The following SUCLA2 variants were observed in gnomAD, a reference collection of about 807,000 sequenced individuals.
SUCLA2 encodes the protein succinate-CoA ligase ADP-forming subunit beta, also known as succinate--CoA ligase [ADP-forming] subunit beta, mitochondrial.
A neutral mutation model predicts 54.8 loss-of-function variants in SUCLA2; 30 were observed. The ratio of observed to expected loss-of-function variants is 0.55; its 90% CI spans 0.41 to 0.74. SUCLA2 has a LOEUF of 0.74. Ranked by LOEUF, SUCLA2 falls within the 30% of genes least tolerant of loss-of-function variation. The pLI is 0.00. For synonymous variants in SUCLA2, 172 were observed against 188.9 expected, an observed-to-expected ratio of 0.91 and a Z score of 0.74; for missense variants, 476 against 562.9, an observed-to-expected ratio of 0.85 and a Z score of 1.56.
At chr13:47,968,892 C>G (rs200361144) in intron 5 of SUCLA2, among the ~76,000 whole-genome samples, 159 bp from the exon 6 acceptor site, 1 of 151,242 alleles carries the variant, frequency 6.6e-6, no homozygotes, top group Non-Finnish European at 1.5e-5. Context: ...AATGGTTAAA[C>G]AAAACTTTTT....
intron 4 of SUCLA2, among the ~76,000 whole-genome samples, chr13:47,983,452 T>TAAA (rs527747810): frequency 2.8e-4 from 42 of 151,646 alleles, no homozygotes; most frequent in Non-Finnish European, 5.4e-4. Context: ...AACAAATCTT[T>TAAA]AAAATATTCT....
chr13:47,987,366 C>T (rs879701617), intron 4 of SUCLA2, among the ~76,000 whole-genome samples: 4 of 151,236 alleles, frequency 2.6e-5, no homozygotes, highest in African/African-American at 7.3e-5. Context: ...TGACAGATGC[C>T]GATATATAAT....
At chr13:48,000,852 C>T in intron 1 of SUCLA2, 1 of 1,167,726 alleles carries the variant, frequency 8.6e-7, no homozygotes, top group Non-Finnish European at 1.1e-6. Context: ...CCGTGCCAGA[C>T]GCCGGAATGG....
chr13:47,983,520 C>T (rs1005915430), intron 4 of SUCLA2, among the ~76,000 whole-genome samples: 86 of 145,202 alleles, frequency 5.9e-4, no homozygotes, highest in Non-Finnish European at 6.7e-4. Context: ...GACGGAGTCT[C>T]GCTCTGTCGC....
chr13:47,956,310 A>C (rs1949821133), intron 6 of SUCLA2, among the ~76,000 whole-genome samples: 2 of 152,174 alleles, frequency 1.3e-5, no homozygotes, highest in South Asian at 4.1e-4. Flanking sequence ...TTAACAGCAG[A>C]CTGGTGATGG....
rs572595347 is a variant in SUCLA2 at position 47,998,067 on chromosome 13, A to G, written c.91-1044T>C. On this transcript the variant is annotated intron_variant, in intron 1 of 10. Coordinates refer to ENST00000646932, the MANE Select transcript of SUCLA2 (RefSeq NM_003850.3). ...TTAGCAAGCTAAAATCCTTGGTAAC[A>G]TTTGACCTAGGTAGCTCAATTCCTT... is the stretch of plus-strand genomic sequence containing the variant. Among the ~76,000 whole-genome samples, 11 of 152,308 alleles carry G rather than the reference A, an allele frequency of 7.2e-5. No homozygotes were observed. In the South Asian group the frequency reaches 2.1e-3, roughly 29 times the overall value.
At chr13:47,972,506 T>G (rs978084795) in intron 5 of SUCLA2, among the ~76,000 whole-genome samples, 8 of 150,922 alleles carry the variant, frequency 5.3e-5, no homozygotes, top group Admixed American at 5.3e-4. Context: ...CCATCTCTAC[T>G]AAAAACAAAA....
intron 2 of SUCLA2, among the ~76,000 whole-genome samples, chr13:47,989,213 CTTTTTTTTT>C (rs11445752): frequency 7.0e-6 from 1 of 143,644 alleles, no homozygotes; most frequent in Non-Finnish European, 1.5e-5. Flanking sequence ...TAAACCATTT[CTTTTTTTTT>C]TTTTTTGAAA....
chr13:48,000,812 C>A (rs927010911), intron 1 of SUCLA2: 86 of 1,083,284 alleles, frequency 7.9e-5, no homozygotes, highest in Non-Finnish European at 9.4e-5. Context: ...TCCCCCCTGC[C>A]CAAAAAGGGG....
chr13:47,970,359 T>C (rs978858252), intron 5 of SUCLA2, among the ~76,000 whole-genome samples: 5 of 152,178 alleles, frequency 3.3e-5, no homozygotes, highest in African/African-American at 1.2e-4. Flanking sequence ...TGCAAAATGC[T>C]ATAATCTTAG....
chr13:47,984,322 T>C (rs1384536598), intron 4 of SUCLA2, among the ~76,000 whole-genome samples: 1 of 151,294 alleles, frequency 6.6e-6, no homozygotes, highest in Non-Finnish European at 1.5e-5. Context: ...GCCTCCCGAG[T>C]AGCTGGGACT....
chr13:47,972,551 C>T (rs1949975981), intron 5 of SUCLA2, among the ~76,000 whole-genome samples: 1 of 151,072 alleles, frequency 6.6e-6, no homozygotes, highest in African/African-American at 2.4e-5. Context: ...TGCCTGTAGT[C>T]CCAGCTACTT....
intron 6 of SUCLA2, among the ~76,000 whole-genome samples, chr13:47,959,709 G>T (rs1949852596): frequency 6.6e-6 from 1 of 152,204 alleles, no homozygotes; most frequent in African/African-American, 2.4e-5. Flanking sequence ...ACAGAACACA[G>T]AAGAGTTTAG....
At chr13:47,982,782 C>T (rs1950069693) in intron 4 of SUCLA2, among the ~76,000 whole-genome samples, 3 of 151,888 alleles carry the variant, frequency 2.0e-5, no homozygotes, top group African/African-American at 7.3e-5. Context: ...CATACTGCCA[C>T]ACATTAAGAT....
At chr13:47,969,005 C>T (rs1362774301) in intron 5 of SUCLA2, among the ~76,000 whole-genome samples, 1 of 152,160 alleles carries the variant, frequency 6.6e-6, no homozygotes, top group East Asian at 1.9e-4. Flanking sequence ...ATTCCAGTTC[C>T]ATAGTGTCCA....
chr13:47,968,492 A>G (rs1348882990), intron 6 of SUCLA2, 103 bp downstream of exon 6: 1 of 1,339,440 alleles, frequency 7.5e-7, no homozygotes, highest in African/African-American at 1.5e-5. Context: ...GCTTCTACAT[A>G]GGTAGAAGTT....
In SUCLA2 at chr13:48,001,265, G is replaced by A; in HGVS notation, c.5C>T (p.Ala2Val). The A allele has an allele frequency of 1.9e-6, 3 of 1,599,618 alleles. No homozygotes were observed. The highest frequency in any genetic ancestry group is 2.3e-5 in the East Asian group (1 of 44,230). The change falls in exon 1 of 11, where the codon GCG (alanine) becomes GTG (valine). Residue 2 changes from alanine to valine, a missense_variant. Around this residue, in one of 2 missense-constraint regions of SUCLA2, gnomAD observed 134 missense variants for 118.7 expected, o/e 1.13. Transcript: ENST00000646932. M[A>V]ASMFYGRLVA... is the part of the protein sequence containing the mutation. ...TAGCCTGCCGTAGAACATGGAGGCC[G>A]CCATTTCTGAGTCGGACCCCGTCCC...
At chr13:47,949,248 G>A (rs1949758121) in intron 9 of SUCLA2, among the ~76,000 whole-genome samples, 1 of 152,136 alleles carries the variant, frequency 6.6e-6, no homozygotes, top group Non-Finnish European at 1.5e-5. Context: ...ATTCAGGCAA[G>A]TCAGAATTCA....
intron 6 of SUCLA2, among the ~76,000 whole-genome samples, chr13:47,958,362 T>C (rs1041933526): frequency 6.6e-6 from 1 of 152,206 alleles, no homozygotes. Flanking sequence ...TGTGTGTGTA[T>C]ACATACATGT....
Sources: allele counts gnomAD v4.1 joint callset (sites outside exome capture counted in the v4.1 genomes callset), GRCh38; gene constraint gnomAD v4.1.1; regional missense constraint gnomAD v4.1.1; transcripts MANE v1.5; gene names NCBI Gene and HGNC (gene_info 2026-07-23, HGNC 2026-07-21).